Variants in CNTNAP4 observed in about 807,000 individuals in gnomAD.
CNTNAP4 encodes the protein contactin-associated protein-like 4.
Under a neutral mutation model 148.4 loss-of-function variants are expected in CNTNAP4, and 98 were observed. The observed-to-expected ratio is 0.66, with a 90% confidence interval of 0.56 to 0.78. The LOEUF (loss-of-function observed/expected upper bound fraction) is 0.78, where lower values mean the gene tolerates loss of function less well. CNTNAP4 is among the 30% of genes least tolerant of loss of function. CNTNAP4 has a pLI of 0.00. For synonymous variants in CNTNAP4, 730 were observed against 565.1 expected (o/e 1.29, Z -4.14); for missense variants, 1,935 against 1,565.6 (o/e 1.24, Z -3.98).
intron 4 of CNTNAP4, 71 bp downstream of exon 4, chr16:76,427,670 T>C (rs2079459264): frequency 4.3e-6 from 6 of 1,395,654 alleles, no homozygotes; most frequent in Admixed American, 5.4e-5. Context: ...AACTACAAAC[T>C]GAAATGGACT....
intron 17 of CNTNAP4, among the ~76,000 whole-genome samples, chr16:76,525,544 A>G (rs1027606125): frequency 8.8e-5 from 13 of 147,404 alleles, no homozygotes; most frequent in African/African-American, 2.9e-4. Flanking sequence ...AGTGGAAGAG[A>G]CAAGAGACAG....
intron 15 of CNTNAP4, among the ~76,000 whole-genome samples, chr16:76,517,457 G>A (rs977331884): frequency 2.0e-5 from 3 of 152,024 alleles, no homozygotes; most frequent in African/African-American, 7.3e-5. Flanking sequence ...CCGTATTTCT[G>A]GCTTATTTCT....
At chr16:76,431,198 G>C (rs2079592712) in intron 4 of CNTNAP4, among the ~76,000 whole-genome samples, 1 of 152,168 alleles carries the variant, frequency 6.6e-6, no homozygotes, top group Non-Finnish European at 1.5e-5. Context: ...AATAGGAAAA[G>C]TGCTGTACCC....
chr16:76,376,283 G>C (rs1225601156), intron 3 of CNTNAP4, among the ~76,000 whole-genome samples: 1 of 152,096 alleles, frequency 6.6e-6, no homozygotes, highest in Non-Finnish European at 1.5e-5. Flanking sequence ...TGAGTGCAGC[G>C]GTTTTCGGAA....
chr16:76,513,662 G>A (rs1568461072), intron 15 of CNTNAP4, among the ~76,000 whole-genome samples: 1 of 152,146 alleles, frequency 6.6e-6, no homozygotes, highest in Non-Finnish European at 1.5e-5. Context: ...ACAGACCAGT[G>A]TATAGATGTG....
At chr16:76,423,402 G>C (rs1001434624) in intron 3 of CNTNAP4, among the ~76,000 whole-genome samples, 4 of 152,088 alleles carry the variant, frequency 2.6e-5, no homozygotes, top group African/African-American at 9.7e-5. Flanking sequence ...ACAGGTGCAA[G>C]ATTCGTTTCT....
chr16:76,432,308 T>C (rs2079640470), intron 4 of CNTNAP4, among the ~76,000 whole-genome samples: 1 of 152,118 alleles, frequency 6.6e-6, no homozygotes, highest in Non-Finnish European at 1.5e-5. Context: ...CCCCAACAAG[T>C]TAGGGCAGTA....
intron 3 of CNTNAP4, among the ~76,000 whole-genome samples, chr16:76,367,022 G>C (rs900058999): frequency 5.3e-5 from 8 of 151,738 alleles, no homozygotes; most frequent in South Asian, 2.1e-4. Flanking sequence ...ATAATGGTAA[G>C]GAGAATTTAC....
intron 2 of CNTNAP4, among the ~76,000 whole-genome samples, chr16:76,341,059 C>G (rs1005176097): frequency 6.6e-6 from 1 of 152,158 alleles, no homozygotes; most frequent in East Asian, 1.9e-4. Flanking sequence ...GTGCTACAGC[C>G]TCTCACACTT....
intron 2 of CNTNAP4, among the ~76,000 whole-genome samples, chr16:76,319,783 A>G (rs1297013986): frequency 6.6e-6 from 1 of 152,168 alleles, no homozygotes; most frequent in Non-Finnish European, 1.5e-5. Flanking sequence ...AGTTAGAAAG[A>G]AAGAAAGAGG....
At chr16:76,453,639 G>T (rs2080607981) in intron 8 of CNTNAP4, among the ~76,000 whole-genome samples, 2 of 151,842 alleles carry the variant, frequency 1.3e-5, no homozygotes, top group South Asian at 4.2e-4. Context: ...TATTAAGTAT[G>T]ACCAAAAAAT....
intron 2 of CNTNAP4, among the ~76,000 whole-genome samples, chr16:76,321,940 G>C (rs575017705): frequency 1.3e-5 from 2 of 152,198 alleles, no homozygotes; most frequent in South Asian, 4.1e-4. Context: ...AGGGGAACCT[G>C]GCTGGCACAA....
intron 23 of CNTNAP4, among the ~76,000 whole-genome samples, chr16:76,556,826 G>A (rs2085217951): frequency 6.6e-6 from 1 of 152,116 alleles, no homozygotes; most frequent in Non-Finnish European, 1.5e-5. Context: ...ATATTAATCA[G>A]CAACGATTTT....
At chr16:76,491,772 G>A (rs2082231473) in intron 13 of CNTNAP4, among the ~76,000 whole-genome samples, 1 of 151,750 alleles carries the variant, frequency 6.6e-6, no homozygotes, top group Non-Finnish European at 1.5e-5. Flanking sequence ...GGCTTATTCT[G>A]TTTAGTATAA....
intron 4 of CNTNAP4, among the ~76,000 whole-genome samples, chr16:76,442,448 A>C (rs1487965401): frequency 6.6e-6 from 1 of 152,158 alleles, no homozygotes; most frequent in African/African-American, 2.4e-5. Flanking sequence ...ATAACAGAAT[A>C]TCTGAGGCTG....
At chr16:76,556,861 C>G (rs1406741392) in intron 23 of CNTNAP4, among the ~76,000 whole-genome samples, 1 of 152,140 alleles carries the variant, frequency 6.6e-6, no homozygotes, top group Admixed American at 6.5e-5. Flanking sequence ...TAAGGCTGAC[C>G]TAGCCAAAAA....
intron 3 of CNTNAP4, among the ~76,000 whole-genome samples, chr16:76,373,383 C>G (rs1017881359): frequency 2.0e-5 from 3 of 152,132 alleles, no homozygotes; most frequent in African/African-American, 7.2e-5. Flanking sequence ...ACTTGAACTA[C>G]ATAGCTTTAT....
At chr16:76,428,347 C>G (rs1164908879) in intron 4 of CNTNAP4, among the ~76,000 whole-genome samples, 2 of 151,760 alleles carry the variant, frequency 1.3e-5, no homozygotes, top group Admixed American at 1.3e-4. Context: ...TGAAGAGATT[C>G]ACTAATTTGC....
chr16:76,291,608 G>A (rs1012294366), intron 1 of CNTNAP4, among the ~76,000 whole-genome samples: 3 of 152,122 alleles, frequency 2.0e-5, no homozygotes, highest in Admixed American at 6.6e-5. Context: ...TGATTGTACA[G>A]TTTGTTTTAT....
Sources: allele counts gnomAD v4.1 joint callset (sites outside exome capture counted in the v4.1 genomes callset), GRCh38; gene constraint gnomAD v4.1.1; transcripts MANE v1.5; gene names NCBI Gene and HGNC (gene_info 2026-07-23, HGNC 2026-07-21).